The following KRIT1 variants were observed in gnomAD, a reference collection of about 807,000 sequenced individuals.
KRIT1 encodes the protein KRIT1 ankyrin repeat containing.
Under a neutral mutation model 95.8 loss-of-function variants are expected in KRIT1, and 45 were observed. The observed-to-expected ratio is 0.47, with a 90% confidence interval of 0.37 to 0.60. The LOEUF (loss-of-function observed/expected upper bound fraction) is 0.60, where lower values mean the gene tolerates loss of function less well. KRIT1 is among the 20% of genes least tolerant of loss of function. The pLI, the probability that KRIT1 is intolerant of heterozygous loss-of-function variation, is 0.00. For missense variants in KRIT1, 788 were observed against 877.5 expected, an observed-to-expected ratio of 0.90 and a Z score of 1.29; for synonymous variants, 282 against 278.8, an observed-to-expected ratio of 1.01 and a Z score of -0.11.
Position 92,226,558 on chromosome 7 carries a change from G to C in KRIT1, c.1114C>G (p.Gln372Glu), listed in dbSNP as rs780114710. ...GTTTCTGGGTGGTTTAGGAGAATCT[G>C]TACTATTTCAGCATGTCCTCCTCCA... ...AAGGGHAEIV[Q>E]ILLNHPETDR... Residue 372 changes from glutamine (Q) to glutamate (E), a missense_variant, in exon 11 of 19, where the codon CAG becomes GAG. By Grantham distance (29) the Gln-to-Glu change is conservative. Transcript: ENST00000394505. The C allele has an allele frequency of 7.4e-6, 12 of 1,612,904 alleles. No homozygotes were observed. The South Asian group carries it at 1.3e-4, about 18-fold the overall frequency.
intron 6 of KRIT1, 38 bp from the exon 7 acceptor site, chr7:92,236,580 A>G: frequency 7.6e-7 from 1 of 1,312,894 alleles, no homozygotes; most frequent in Non-Finnish European, 1.1e-6. Context: ...TACCATATAA[A>G]AGGTTTACAT....
chr7:92,244,707 C>G (rs1800484711), intron 2 of KRIT1, among the ~76,000 whole-genome samples, 195 bp downstream of exon 2: 1 of 152,122 alleles, frequency 6.6e-6, no homozygotes, highest in African/African-American at 2.4e-5. Context: ...AAAGGTATAA[C>G]TAGAGTTTGC....
At chr7:92,223,505 G>T (rs551927621) in intron 12 of KRIT1, among the ~76,000 whole-genome samples, 1 of 151,706 alleles carries the variant, frequency 6.6e-6, no homozygotes, top group South Asian at 2.1e-4. Flanking sequence ...TTTTCTTCTG[G>T]ATGTTCCAGA....
At chr7:92,238,820 T>C (rs1443565159) in intron 5 of KRIT1, among the ~76,000 whole-genome samples, 2 of 152,214 alleles carry the variant, frequency 1.3e-5, no homozygotes, top group Admixed American at 6.5e-5. Context: ...GAAATGCTTA[T>C]AGGAGGAGAC....
intron 3 of KRIT1, among the ~76,000 whole-genome samples, chr7:92,242,940 C>A (rs1800015014): frequency 6.6e-6 from 1 of 152,150 alleles, no homozygotes; most frequent in African/African-American, 2.4e-5. Context: ...GCCTCAGCCT[C>A]CTGAGTAGCC....
chr7:92,222,078 AAT>A (rs1795256450), intron 13 of KRIT1, 25 bp from the exon 14 acceptor site: 10 of 1,596,124 alleles, frequency 6.3e-6, no homozygotes, highest in Non-Finnish European at 8.6e-6. Context: ...TCCTTTTATA[AAT>A]GATAATGTAA....
At chr7:92,220,839 G>A (rs762893372) in intron 14 of KRIT1, among the ~76,000 whole-genome samples, 10 of 151,002 alleles carry the variant, frequency 6.6e-5, no homozygotes, top group African/African-American at 1.2e-4. Context: ...GATTACAGGC[G>A]CCCACCACCA....
In KRIT1 at chr7:92,235,454, A is replaced by G. The variant is rs1798236719; in HGVS notation, c.678T>C (p.Asp226=). Residue 226 remains aspartate (D), a synonymous_variant, in exon 8 of 19, where the codon GAT becomes GAC. Transcript: ENST00000394505. ...KSKMLALEKA[D]TCIYNPLFGS... is the part of the protein sequence containing the mutation. ...CAAACAAAGGGTTGTAAATACAGGT[A>G]TCTGCTTTCTCTAGGGCTAACATTT... 6.2e-7 allele frequency: 1 copy of G among 1,613,696 alleles called. No homozygotes were observed. The highest frequency in any genetic ancestry group is 1.3e-5 in the African/African-American group (1 of 75,078).
chr7:92,205,452 T>A (rs1420872891), intron 17 of KRIT1, among the ~76,000 whole-genome samples: 2 of 152,230 alleles, frequency 1.3e-5, no homozygotes. Flanking sequence ...TAAGCTTCAT[T>A]ATTACTTTAA....
intron 17 of KRIT1, among the ~76,000 whole-genome samples, chr7:92,211,164 C>T (rs1010845787): frequency 6.6e-6 from 1 of 152,184 alleles, no homozygotes; most frequent in Non-Finnish European, 1.5e-5. Context: ...TATGAACCAG[C>T]AATCTCACTA....
chr7:92,224,004 A>G (rs1040532112), intron 12 of KRIT1, among the ~76,000 whole-genome samples: 1 of 152,250 alleles, frequency 6.6e-6, no homozygotes, highest in African/African-American at 2.4e-5. Flanking sequence ...GCAATGAAGT[A>G]TAACATAAGG....
chr7:92,226,692 A>AAAAC lies in KRIT1; in HGVS notation c.990-14_990-11dup. 2 of 1,612,084 alleles carry AAAAC rather than the reference A, an allele frequency of 1.2e-6. No homozygotes were observed. Among genetic ancestry groups the AAAAC allele is most frequent in the Non-Finnish European group, 1.7e-6 (2 of 1,179,092 alleles). On this transcript the variant is annotated splice_polypyrimidine_tract_variant and intron_variant, in intron 10 of 18. Transcript: ENST00000394505. The stretch of plus-strand genomic sequence containing the variant: ...CTCAACTTTTCCATACCTGTATAAA[A>AAAAC]AAACAAACAAACAAAAAACAACAAC...
At chr7:92,230,619 T>C (rs1797082054) in intron 10 of KRIT1, among the ~76,000 whole-genome samples, 1 of 152,052 alleles carries the variant, frequency 6.6e-6, no homozygotes, top group Non-Finnish European at 1.5e-5. Context: ...AGAAGTAGGT[T>C]CAGGTGAAAG....
intron 17 of KRIT1, among the ~76,000 whole-genome samples, chr7:92,203,113 T>TA (rs1279140168): frequency 4.6e-5 from 7 of 152,228 alleles, no homozygotes; most frequent in Non-Finnish European, 5.9e-5. Context: ...AGCCTGTAGT[T>TA]ATAGAAGGTA....
intron 17 of KRIT1, among the ~76,000 whole-genome samples, chr7:92,203,437 C>A (rs1160957028): frequency 2.0e-5 from 3 of 152,160 alleles, no homozygotes; most frequent in Non-Finnish European, 2.9e-5. Context: ...AATACCTTTA[C>A]TCTTTGGTTC....
chr7:92,227,141 G>C (rs1332208161), intron 10 of KRIT1, among the ~76,000 whole-genome samples: 1 of 152,190 alleles, frequency 6.6e-6, no homozygotes. Flanking sequence ...ATGTGAAAGA[G>C]ACAAACATGT....
Position 92,226,903 on chromosome 7 carries a change from T to G in KRIT1, c.990-221A>C, listed in dbSNP as rs1796317529. 4.6e-5 allele frequency among the ~76,000 whole-genome samples: 7 copies of G among 152,328 alleles called. No individual in the cohort carries two copies. The South Asian group carries it at 1.5e-3, about 32-fold the overall frequency. ...CTGGTTCAATTAAACTGTTTCTATT[T>G]CTGATAAACTGGAAGAAAATATAAC... On this transcript the variant is annotated intron_variant, in intron 10 of 18. Coordinates refer to ENST00000394505, the MANE Select transcript of KRIT1 (RefSeq NM_194454.3).
intron 14 of KRIT1, among the ~76,000 whole-genome samples, chr7:92,216,815 C>T (rs1238951231): frequency 6.6e-6 from 1 of 152,048 alleles, no homozygotes; most frequent in Non-Finnish European, 1.5e-5. Flanking sequence ...CTAATAAAAA[C>T]TGACATCGTA....
chr7:92,222,727 TAA>T, intron 13 of KRIT1, 93 bp downstream of exon 13: 1 of 763,592 alleles, frequency 1.3e-6, no homozygotes, highest in Non-Finnish European at 2.2e-6. Flanking sequence ...TTTCAAAATT[TAA>T]GAGTCAAGAA....
Sources: allele counts gnomAD v4.1 joint callset (sites outside exome capture counted in the v4.1 genomes callset), GRCh38; gene constraint gnomAD v4.1.1; transcripts MANE v1.5; gene names NCBI Gene and HGNC (gene_info 2026-07-23, HGNC 2026-07-21).